The following ANAPC10 variants were observed in gnomAD, a reference collection of about 807,000 sequenced individuals.
ANAPC10 encodes the protein anaphase promoting complex subunit 10.
A neutral mutation model predicts 22.0 loss-of-function variants in ANAPC10; 12 were observed. The ratio of observed to expected loss-of-function variants is 0.55; its 90% CI spans 0.35 to 0.88. The LOEUF (loss-of-function observed/expected upper bound fraction) is 0.88. ANAPC10 is among the 40% of genes least tolerant of loss of function. The pLI, the probability that ANAPC10 is intolerant of heterozygous loss-of-function variation, is 0.01. For missense variants in ANAPC10, 188 were observed against 220.9 expected (o/e 0.85, Z 0.94); for synonymous variants, 65 against 69.5 (o/e 0.94, Z 0.32).
intron 4 of ANAPC10, among the ~76,000 whole-genome samples, chr4:145,008,236 C>G (rs952824869): frequency 1.3e-5 from 2 of 152,136 alleles, no homozygotes; most frequent in African/African-American, 2.4e-5. Context: ...GATGGATTCA[C>G]AGACAAATTC....
chr4:145,084,939 T>G (rs1468353337), intron 2 of ANAPC10, among the ~76,000 whole-genome samples: 1 of 152,208 alleles, frequency 6.6e-6, no homozygotes, highest in African/African-American at 2.4e-5. Context: ...AAATTCCCCA[T>G]GAAACTTGTA....
chr4:145,074,945 A>G (rs1744982652), intron 3 of ANAPC10, among the ~76,000 whole-genome samples: 1 of 152,226 alleles, frequency 6.6e-6, no homozygotes, highest in African/African-American at 2.4e-5. Flanking sequence ...ACGGAAAGAA[A>G]GCTACCATGT....
chr4:145,085,866 CT>C (rs77357289), intron 2 of ANAPC10, among the ~76,000 whole-genome samples: 475 of 140,196 alleles, frequency 3.4e-3, no homozygotes, highest in Middle Eastern at 3.8e-3. Context: ...AATTTTTTTT[CT>C]TTTTTTTTTT....
intron 3 of ANAPC10, among the ~76,000 whole-genome samples, chr4:145,065,240 T>TA (rs1483555603): frequency 6.6e-6 from 1 of 151,958 alleles, no homozygotes; most frequent in Non-Finnish European, 1.5e-5. Context: ...CTATTGATTT[T>TA]AAAATATACA....
At chr4:145,049,752 T>C (rs1740836834) in intron 4 of ANAPC10, among the ~76,000 whole-genome samples, 1 of 152,082 alleles carries the variant, frequency 6.6e-6, no homozygotes, top group Non-Finnish European at 1.5e-5. Context: ...GTTAATTTTT[T>C]TGAATTTCTT....
intron 3 of ANAPC10, among the ~76,000 whole-genome samples, chr4:145,078,496 T>C (rs1237223646): frequency 2.6e-5 from 4 of 152,098 alleles, no homozygotes; most frequent in Non-Finnish European, 5.9e-5. Context: ...ATCAAACTAC[T>C]GACAGTTTTC....
At chr4:145,033,721 G>C (rs1486386381) in intron 4 of ANAPC10, among the ~76,000 whole-genome samples, 1 of 152,184 alleles carries the variant, frequency 6.6e-6, no homozygotes, top group African/African-American at 2.4e-5. Flanking sequence ...TCCATGACCT[G>C]ATGAGGTGCT....
chr4:144,995,703 G>T, intron 4 of ANAPC10, 100 bp from the exon 5 acceptor site: 2 of 822,724 alleles, frequency 2.4e-6, no homozygotes, highest in Non-Finnish European at 3.7e-6. Flanking sequence ...TTAACATTTT[G>T]CTCAACGAAA....
intron 4 of ANAPC10, among the ~76,000 whole-genome samples, chr4:144,997,950 A>G (rs994706335): frequency 6.6e-6 from 1 of 152,208 alleles, no homozygotes; most frequent in African/African-American, 2.4e-5. Context: ...GATAAAATAG[A>G]CTTTAAACCA....
At chr4:145,077,202 A>AC (rs929335799) in intron 3 of ANAPC10, among the ~76,000 whole-genome samples, 3 of 152,182 alleles carry the variant, frequency 2.0e-5, no homozygotes, top group Non-Finnish European at 2.9e-5. Flanking sequence ...CTGTCTCAAA[A>AC]AAAATAAATA....
intron 2 of ANAPC10, among the ~76,000 whole-genome samples, chr4:145,090,890 C>G (rs1370716967): frequency 6.6e-6 from 1 of 152,148 alleles, no homozygotes; most frequent in South Asian, 2.1e-4. Context: ...GTCTTTCAAT[C>G]TCTAACAAGT....
intron 4 of ANAPC10, among the ~76,000 whole-genome samples, chr4:145,003,875 A>G (rs1732952419): frequency 6.6e-6 from 1 of 152,162 alleles, no homozygotes; most frequent in South Asian, 2.1e-4. Flanking sequence ...AATTCTGTGA[A>G]CAATGTCATT....
chr4:145,079,178 T>C (rs1745601512), intron 3 of ANAPC10, among the ~76,000 whole-genome samples: 3 of 151,894 alleles, frequency 2.0e-5, no homozygotes, highest in Admixed American at 2.0e-4. Flanking sequence ...GAACTTAAAT[T>C]TACAAGAAAA....
intron 4 of ANAPC10, among the ~76,000 whole-genome samples, chr4:145,024,490 G>T (rs1036702279): frequency 1.3e-5 from 2 of 152,316 alleles, no homozygotes; most frequent in Middle Eastern, 3.4e-3. Context: ...AACAGATGTT[G>T]TATCAGCAAA....
chr4:145,025,679 T>G (rs1736560695), intron 4 of ANAPC10, among the ~76,000 whole-genome samples: 1 of 152,124 alleles, frequency 6.6e-6, no homozygotes, highest in South Asian at 2.1e-4. Flanking sequence ...AGTTTGAAGT[T>G]TGAAATACTA....
Position 144,995,528 on chromosome 4 carries a change from A to C in ANAPC10, c.403T>G (p.Phe135Val). The C allele has an allele frequency of 6.2e-7, 1 of 1,613,938 alleles. No homozygotes were observed. Among genetic ancestry groups the C allele is most frequent in the Non-Finnish European group, 8.5e-7 (1 of 1,179,904 alleles). Reference sequence around the variant, plus strand: ...GCTAGAACAGCAATCTGTATCATGAATGTACGAGTTGGCTTCTTATGATTG... The same window carrying C: ...GCTAGAACAGCAATCTGTATCATGACTGTACGAGTTGGCTTCTTATGATTG... The part of the protein sequence containing the change: ...TDNHKKPTRT[F>V]MIQIAVLANH... The change falls in exon 5 of 5, where the codon TTC becomes GTC. Residue 135 changes from phenylalanine to valine, a missense_variant. Physicochemically the swap from Phe to Val is conservative, Grantham distance 50. Coordinates refer to ENST00000507656, the MANE Select transcript of ANAPC10 (RefSeq NM_001256706.2).
chr4:144,995,663 G>T, intron 4 of ANAPC10, 60 bp from the exon 5 acceptor site: 1 of 1,090,128 alleles, frequency 9.2e-7, no homozygotes, highest in Admixed American at 2.4e-5. Context: ...TTATAACAAT[G>T]AATGCATTCT....
chr4:145,040,455 T>A (rs547739033), intron 4 of ANAPC10, among the ~76,000 whole-genome samples: 116 of 152,350 alleles, frequency 7.6e-4, no homozygotes, highest in African/African-American at 2.5e-3. Flanking sequence ...GCCTATTGTA[T>A]GCTTTTAAGA....
rs181727847 is a variant in ANAPC10, at chr4:144,995,359, G to A, written c.*14C>T. 1,415 of 1,520,518 alleles carry A rather than the reference G, an allele frequency of 9.3e-4. 3 individuals are homozygous for A. Among genetic ancestry groups the A allele is most frequent in the Middle Eastern group, 1.9e-3 (11 of 5,738 alleles). 94.2% of individuals were successfully genotyped at this position (1,520,518 alleles called of 1,614,324 possible). A position where few individuals can be genotyped will look rare whatever the true frequency, so the allele number is the denominator to read the frequency against. Reference sequence around the variant, plus strand: ...AACAAAGATACGTTTAATGATTTTCGTCTCATTTTAAAGTCACCTTATTGA... The same window carrying A: ...AACAAAGATACGTTTAATGATTTTCATCTCATTTTAAAGTCACCTTATTGA... On this transcript the variant is annotated 3_prime_UTR_variant, in exon 5 of 5. Coordinates refer to ENST00000507656, the MANE Select transcript of ANAPC10 (RefSeq NM_001256706.2).
Sources: gnomAD v4.1 joint callset for allele counts (sites outside exome capture counted in the v4.1 genomes callset) on GRCh38, gnomAD v4.1.1 for gene constraint, MANE v1.5 for transcripts, NCBI Gene and HGNC (gene_info 2026-07-23, HGNC 2026-07-21) for gene names.